DCAF1: variants seen among roughly 807,000 people sequenced by gnomAD.
The protein encoded by DCAF1 is DDB1- and CUL4-associated factor 1.
DCAF1 carries 15 observed loss-of-function variants against 128.0 expected under a neutral mutation model. That is an observed-to-expected ratio of 0.12 (90% confidence interval 0.08 to 0.18). The LOEUF (loss-of-function observed/expected upper bound fraction) is 0.18. Among genes scored for constraint, DCAF1 ranks in the 10% least tolerant of loss-of-function variants. The pLI is 1.00. For missense variants in DCAF1, 988 were observed against 1,649.5 expected (o/e 0.60, Z 6.95); for synonymous variants, 610 against 603.0 (o/e 1.01, Z -0.17).
intron 6 of DCAF1, among the ~76,000 whole-genome samples, chr3:51,444,333 T>G (rs541075358): frequency 2.6e-5 from 4 of 151,662 alleles, no homozygotes; most frequent in South Asian, 2.1e-4. Context: ...GTGTTTAATT[T>G]AGCCCCACAT....
chr3:51,457,992 G>GA (rs1703113257), intron 6 of DCAF1, among the ~76,000 whole-genome samples: 1 of 152,176 alleles, frequency 6.6e-6, no homozygotes, highest in African/African-American at 2.4e-5. Flanking sequence ...ACGCTAGGAA[G>GA]AAACTGCATC....
chr3:51,499,213 C>G (rs782251374), intron 1 of DCAF1, among the ~76,000 whole-genome samples: 1 of 152,238 alleles, frequency 6.6e-6, no homozygotes, highest in African/African-American at 2.4e-5. Flanking sequence ...CTACTATAAC[C>G]CCCGGAAATA....
chr3:51,433,693 C>A (rs1700573003), intron 9 of DCAF1, among the ~76,000 whole-genome samples: 1 of 150,484 alleles, frequency 6.6e-6, no homozygotes, highest in African/African-American at 2.4e-5. Flanking sequence ...GAACTCCTGA[C>A]CTCAGGTGAT....
At position 51,429,452 on chromosome 3, in the gene DCAF1, G is replaced by C. The variant is rs782601659; in HGVS notation, c.1486C>G (p.Leu496Val). Residue 496 changes from leucine to valine, a missense_variant, in exon 12 of 25, where the codon CTA (leucine) becomes GTA (valine). Transcript: ENST00000684031. ...LVNLISTLEI[L>V]NLEDQGALLS... ...AGTGCACCCTGATCTTCCAAATTTA[G>C]AATCTCCAAAGTACTGATCTATTAA... 7.7e-6 allele frequency: 6 copies of C among 780,854 alleles called. No homozygotes were observed. The highest frequency in any genetic ancestry group is 1.7e-5 in the Admixed American group (1 of 59,028). 48.4% of individuals were successfully genotyped at this position (780,854 alleles called of 1,614,324 possible).
chr3:51,433,818 C>G (rs1449546327), intron 9 of DCAF1, among the ~76,000 whole-genome samples: 1 of 150,734 alleles, frequency 6.6e-6, no homozygotes, highest in African/African-American at 2.4e-5. Flanking sequence ...CAGTGGCTCA[C>G]GCCTGTAATC....
Position 51,485,362 on chromosome 3 carries a change from G to C in DCAF1, c.-8-1526C>G, listed in dbSNP as rs189100956. The stretch of plus-strand genomic sequence containing the variant: ...TTCCTGGAAAGAAGAGGCTAGAAGA[G>C]AGGCAGAGAAGGTTGGCTGGGTTGA... On this transcript the variant is annotated intron_variant, in intron 2 of 24. Transcript: ENST00000684031. Among the ~76,000 whole-genome samples the C allele has an allele frequency of 1.3e-4, 20 of 152,338 alleles. No homozygotes were observed. The South Asian group carries it at 1.7e-3, about 13-fold the overall frequency.
intron 23 of DCAF1, among the ~76,000 whole-genome samples, chr3:51,404,975 G>A (rs2090001875): frequency 6.6e-6 from 1 of 152,136 alleles, no homozygotes; most frequent in Non-Finnish European, 1.5e-5. Flanking sequence ...AAGGAGAGCG[G>A]GGTCAAAATT....
chr3:51,438,260 GACT>G (rs1478078793), intron 9 of DCAF1, among the ~76,000 whole-genome samples: 1 of 152,010 alleles, frequency 6.6e-6, no homozygotes, highest in African/African-American at 2.4e-5. Context: ...CTTACTAAGT[GACT>G]ACTATTTGTT....
intron 18 of DCAF1, among the ~76,000 whole-genome samples, chr3:51,416,572 T>C (rs782070753): frequency 6.6e-6 from 1 of 152,240 alleles, no homozygotes; most frequent in African/African-American, 2.4e-5. Context: ...ATATCTGTGG[T>C]GCTAATGACA....
intron 3 of DCAF1, among the ~76,000 whole-genome samples, chr3:51,473,262 CAA>C (rs782434269): frequency 2.5e-5 from 3 of 121,030 alleles, no homozygotes; most frequent in Admixed American, 8.5e-5. Flanking sequence ...AACTCTATCT[CAA>C]AAAAAAAAAA....
rs782676066 is a variant in DCAF1 at position 51,398,845 on chromosome 3, G to A, written c.4466-18C>T. The A allele has an allele frequency of 2.2e-5, 35 of 1,574,324 alleles. No homozygotes were observed. The highest frequency in any genetic ancestry group is 2.8e-5 in the Non-Finnish European group (32 of 1,159,306). On this transcript the variant is annotated intron_variant, in intron 24 of 24. Coordinates refer to ENST00000684031, the MANE Select transcript of DCAF1 (RefSeq NM_001387579.1). ...GCTGTCAGCTGAAAGGGAAGAAAAG[G>A]GAGAGACAAGATTACACACTAGGCT...
upstream of DCAF1, among the ~76,000 whole-genome samples, chr3:51,503,873 G>A (rs563788591): frequency 2.0e-5 from 3 of 152,038 alleles, no homozygotes; most frequent in East Asian, 1.9e-4. Flanking sequence ...TGCCCACATC[G>A]ATCAGTGGGC....
chr3:51,432,271 A>AAC (rs1700457599), intron 10 of DCAF1, among the ~76,000 whole-genome samples: 1 of 149,446 alleles, frequency 6.7e-6, no homozygotes, highest in Non-Finnish European at 1.5e-5. Flanking sequence ...ATTCTGTAAA[A>AAC]AAAAAAAAAA....
intron 12 of DCAF1, among the ~76,000 whole-genome samples, chr3:51,427,791 C>A (rs1331046062): frequency 6.6e-6 from 1 of 151,956 alleles, no homozygotes; most frequent in Non-Finnish European, 1.5e-5. Flanking sequence ...TGCCACCACA[C>A]CCAGCTAATT....
intron 24 of DCAF1, 74 bp downstream of exon 24, chr3:51,403,069 A>T: frequency 1.3e-6 from 2 of 1,508,102 alleles, no homozygotes; most frequent in African/African-American, 1.4e-5. Context: ...CTTGCCCTCT[A>T]AGTTGTATGG....
chr3:51,400,070 T>C (rs951667658), intron 24 of DCAF1, among the ~76,000 whole-genome samples: 6 of 152,166 alleles, frequency 3.9e-5, no homozygotes, highest in African/African-American at 1.2e-4. Context: ...TACAAAAAAG[T>C]CTGGAAGTAA....
chr3:51,497,778 G>C (rs1708390033), intron 1 of DCAF1, among the ~76,000 whole-genome samples: 1 of 151,994 alleles, frequency 6.6e-6, no homozygotes, highest in Non-Finnish European at 1.5e-5. Flanking sequence ...AGTTACTCAA[G>C]AGGCTGAGGC....
upstream of DCAF1, among the ~76,000 whole-genome samples, chr3:51,504,390 C>T (rs1364553039): frequency 6.6e-6 from 1 of 152,004 alleles, no homozygotes; most frequent in African/African-American, 2.4e-5. Context: ...ACTCTGTCCC[C>T]AGGCTGGAGT....
chr3:51,491,089 C>A (rs1553657782), intron 2 of DCAF1, among the ~76,000 whole-genome samples: 1 of 150,088 alleles, frequency 6.7e-6, no homozygotes, highest in African/African-American at 2.5e-5. Flanking sequence ...GTGGCTCACA[C>A]CTGTAATCCC....
Sources: gnomAD v4.1 joint callset for allele counts (sites outside exome capture counted in the v4.1 genomes callset) on GRCh38, gnomAD v4.1.1 for gene constraint, MANE v1.5 for transcripts, NCBI Gene and HGNC (gene_info 2026-07-23, HGNC 2026-07-21) for gene names.